UPP2: variants seen among roughly 807,000 people sequenced by gnomAD.
UPP2 encodes the protein uridine phosphorylase 2.
In UPP2, 23 loss-of-function variants were observed where a neutral mutation model predicts 26.7. The ratio of observed to expected loss-of-function variants is 0.86; its 90% CI spans 0.62 to 1.22. UPP2 has a LOEUF of 1.22. Among genes scored for constraint, UPP2 ranks in the 50% most tolerant of loss-of-function variants. UPP2 has a pLI of 0.00. For synonymous variants in UPP2, 127 were observed against 141.3 expected, an observed-to-expected ratio of 0.90 and a Z score of 0.72; for missense variants, 387 against 396.7, an observed-to-expected ratio of 0.98 and a Z score of 0.21.
At chr2:158,062,059 A>G (rs1682360620) in intron 3 of UPP2, among the ~76,000 whole-genome samples, 2 of 152,270 alleles carry the variant, frequency 1.3e-5, no homozygotes, top group Admixed American at 1.3e-4. Flanking sequence ...TTTTATGCTA[A>G]AGCAATAGTA....
chr2:158,075,420 G>T (rs1682615182), intron 3 of UPP2, among the ~76,000 whole-genome samples: 1 of 151,832 alleles, frequency 6.6e-6, no homozygotes, highest in Admixed American at 6.6e-5. Flanking sequence ...TATCGATAAG[G>T]ATAGACCATA....
intron 3 of UPP2, among the ~76,000 whole-genome samples, chr2:158,090,884 C>G (rs554796107): frequency 6.6e-6 from 1 of 152,160 alleles, no homozygotes; most frequent in Non-Finnish European, 1.5e-5. Context: ...AGGATGTATA[C>G]ACAGGGTCCT....
chr2:158,074,687 T>TTATACACA (rs1682600808), intron 3 of UPP2, among the ~76,000 whole-genome samples: 1 of 27,466 alleles, frequency 3.6e-5, no homozygotes, highest in Non-Finnish European at 7.6e-5. Context: ...TAGAAGACCT[T>TTATACACA]CATACACACA....
chr2:158,011,664 T>G (rs555006638), intron 2 of UPP2, among the ~76,000 whole-genome samples: 1 of 148,116 alleles, frequency 6.8e-6, no homozygotes, highest in African/African-American at 2.6e-5. Context: ...AGAACACTTG[T>G]CTGGAGGGAG....
intron 3 of UPP2, among the ~76,000 whole-genome samples, chr2:158,016,791 C>T (rs1683666897): frequency 6.6e-6 from 1 of 152,024 alleles, no homozygotes; most frequent in Admixed American, 6.6e-5. Flanking sequence ...TGAGAGGGCC[C>T]TTTTCTGTCC....
chr2:158,007,800 A>C (rs933419327), intron 2 of UPP2, among the ~76,000 whole-genome samples: 2 of 151,836 alleles, frequency 1.3e-5, no homozygotes, highest in African/African-American at 4.8e-5. Flanking sequence ...ACAGGGTTTC[A>C]ACATGTTGGT....
intron 1 of UPP2, among the ~76,000 whole-genome samples, chr2:158,105,614 C>A (rs1201919053): frequency 6.6e-6 from 1 of 152,204 alleles, no homozygotes; most frequent in Non-Finnish European, 1.5e-5. Context: ...AAATAACTTA[C>A]TCAAGGTTGC....
intron 2 of UPP2, among the ~76,000 whole-genome samples, chr2:158,006,025 A>C (rs1646294428): frequency 6.6e-6 from 1 of 152,160 alleles, no homozygotes; most frequent in South Asian, 2.1e-4. Flanking sequence ...TGATCAGCAA[A>C]ACACCCCAAA....
At chr2:158,084,690 C>A (rs1682784953) in intron 3 of UPP2, among the ~76,000 whole-genome samples, 1 of 152,102 alleles carries the variant, frequency 6.6e-6, no homozygotes, top group Non-Finnish European at 1.5e-5. Context: ...AGATGAGGAT[C>A]CAGTTTCATT....
chr2:158,081,909 T>C (rs1329323334), intron 3 of UPP2, among the ~76,000 whole-genome samples: 1 of 152,000 alleles, frequency 6.6e-6, no homozygotes, highest in Non-Finnish European at 1.5e-5. Context: ...TATTTTTATT[T>C]CAATAGGTTT....
In UPP2 at chr2:158,088,953, G is replaced by C. The variant is rs539834031; in HGVS notation, c.148-13087G>C. On this transcript the variant is annotated intron_variant, in intron 3 of 9. Transcript: ENST00000605860. ...TTGCTTATTGTGCTAGTTTCATGTT[G>C]GTTGGCCTCCAGCCAGGGGGTGGTG... 6.6e-5 allele frequency among the ~76,000 whole-genome samples: 10 copies of C among 152,286 alleles called. No individual in the cohort carries two copies. In the South Asian group the frequency reaches 1.9e-3, roughly 28 times the overall value.
intron 3 of UPP2, among the ~76,000 whole-genome samples, chr2:158,084,085 ACT>A (rs1175076655): frequency 6.6e-6 from 1 of 152,038 alleles, no homozygotes; most frequent in Admixed American, 6.6e-5. Context: ...GAATCTCCAC[ACT>A]GTTTTCCATG....
chr2:158,129,680 G>A (rs1231666200), intron 6 of UPP2, among the ~76,000 whole-genome samples: 1 of 149,558 alleles, frequency 6.7e-6, no homozygotes, highest in Non-Finnish European at 1.5e-5. Flanking sequence ...TTCAATGAAA[G>A]AGGAATGCAT....
chr2:158,093,798 CA>C (rs896680172), intron 3 of UPP2, among the ~76,000 whole-genome samples: 2 of 151,554 alleles, frequency 1.3e-5, no homozygotes, highest in Non-Finnish European at 2.9e-5. Context: ...TTAGGTAGGG[CA>C]ATGTAATACT....
chr2:158,052,196 T>G (rs572514099), intron 3 of UPP2, among the ~76,000 whole-genome samples: 1 of 152,284 alleles, frequency 6.6e-6, no homozygotes, highest in South Asian at 2.1e-4. Flanking sequence ...TAACTCTAGG[T>G]AAGGGAATAA....
intron 3 of UPP2, among the ~76,000 whole-genome samples, chr2:158,060,013 C>T (rs1682328455): frequency 6.6e-6 from 1 of 152,132 alleles, no homozygotes; most frequent in Admixed American, 6.5e-5. Context: ...GGCATTAATA[C>T]ATTAATTAAC....
chr2:158,055,032 T>C (rs1024071150), intron 3 of UPP2, among the ~76,000 whole-genome samples: 2 of 152,218 alleles, frequency 1.3e-5, no homozygotes, highest in African/African-American at 4.8e-5. Context: ...ACTCAGATAC[T>C]GTCTTAGTTC....
chr2:158,112,607 CT>C (rs1424194112), intron 2 of UPP2, among the ~76,000 whole-genome samples: 1 of 151,046 alleles, frequency 6.6e-6, no homozygotes, highest in African/African-American at 2.4e-5. Flanking sequence ...AAATTGAACT[CT>C]AAAAAAAAAA....
intron 4 of UPP2, among the ~76,000 whole-genome samples, chr2:158,119,629 C>T (rs1683517971): frequency 6.6e-6 from 1 of 151,992 alleles, no homozygotes; most frequent in Non-Finnish European, 1.5e-5. Flanking sequence ...TAAATAACAT[C>T]ATTTTTATGT....
Sources: allele counts gnomAD v4.1 joint callset (sites outside exome capture counted in the v4.1 genomes callset), GRCh38; gene constraint gnomAD v4.1.1; transcripts MANE v1.5; gene names NCBI Gene and HGNC (gene_info 2026-07-23, HGNC 2026-07-21).